The following RAD51B variants were observed in gnomAD, a reference collection of about 807,000 sequenced individuals.
RAD51B encodes the protein DNA repair protein RAD51 homolog 2.
Under a neutral mutation model 42.2 loss-of-function variants are expected in RAD51B, and 38 were observed. The observed-to-expected ratio is 0.90, with a 90% CI of 0.70 to 1.18. The LOEUF (loss-of-function observed/expected upper bound fraction) is 1.18, where lower values mean the gene tolerates loss of function less well. Ranked by LOEUF, RAD51B falls within the 50% of genes most tolerant of loss-of-function variation. The probability of loss-of-function intolerance (pLI) is 0.00; values close to 1 mark genes in which losing one functional copy is unlikely to be tolerated. For missense variants in RAD51B, 373 were observed against 400.7 expected (o/e 0.93, Z 0.59); for synonymous variants, 154 against 145.2 (o/e 1.06, Z -0.43).
intron 4 of RAD51B, among the ~76,000 whole-genome samples, chr14:67,860,908 G>C (rs1297413608): frequency 6.6e-6 from 1 of 152,144 alleles, no homozygotes; most frequent in Non-Finnish European, 1.5e-5. Context: ...AAATCTGACT[G>C]TTAGGCTGGG....
chr14:68,579,609 T>C (rs1356373400), intron 10 of RAD51B, among the ~76,000 whole-genome samples: 2 of 152,232 alleles, frequency 1.3e-5, no homozygotes, highest in Non-Finnish European at 2.9e-5. Context: ...TCCTTGCTTG[T>C]CTGAAATCCA....
chr14:68,613,072 C>T (rs1156769821), downstream of RAD51B, among the ~76,000 whole-genome samples: 2 of 152,204 alleles, frequency 1.3e-5, no homozygotes, highest in African/African-American at 2.4e-5. Context: ...TCTGGGCCTG[C>T]CCCATGACTA....
intron 11 of RAD51B, among the ~76,000 whole-genome samples, chr14:68,655,391 G>A (rs1397596047): frequency 6.6e-6 from 1 of 152,130 alleles, no homozygotes; most frequent in African/African-American, 2.4e-5. Context: ...TGGGGGAGGG[G>A]AGGGGCTCAA....
At chr14:68,023,127 T>G (rs2075895301) in intron 7 of RAD51B, among the ~76,000 whole-genome samples, 1 of 152,190 alleles carries the variant, frequency 6.6e-6, no homozygotes, top group African/African-American at 2.4e-5. Context: ...TACATGTGCA[T>G]TTGTCTTTAT....
At chr14:68,276,903 G>A (rs538504296) in intron 7 of RAD51B, among the ~76,000 whole-genome samples, 7 of 152,306 alleles carry the variant, frequency 4.6e-5, no homozygotes, top group East Asian at 1.9e-4. Flanking sequence ...AAAGCCCTCC[G>A]AGGTAGTACT....
chr14:68,150,873 T>C (rs1398229265), intron 7 of RAD51B, among the ~76,000 whole-genome samples: 1 of 152,202 alleles, frequency 6.6e-6, no homozygotes, highest in Non-Finnish European at 1.5e-5. Flanking sequence ...GTAGTTGTCA[T>C]ACATTTTACT....
chr14:68,672,421 C>T (rs576632689), intron 11 of RAD51B, among the ~76,000 whole-genome samples: 1 of 152,306 alleles, frequency 6.6e-6, no homozygotes, highest in Admixed American at 6.5e-5. Context: ...TTTCTGCCGT[C>T]AGAGAACTCC....
intron 10 of RAD51B, chr14:68,497,126 T>G: frequency 7.2e-7 from 1 of 1,393,032 alleles, no homozygotes; most frequent in Non-Finnish European, 9.6e-7. Context: ...TCTTGCAGCC[T>G]ATGGAAATTC....
chr14:68,652,413 C>T (rs1463203382), intron 11 of RAD51B, among the ~76,000 whole-genome samples: 1 of 152,200 alleles, frequency 6.6e-6, no homozygotes, highest in Non-Finnish European at 1.5e-5. Context: ...AAAAGCAAGG[C>T]CTGAAGCCTG....
chr14:68,347,728 T>C (rs1007659942), intron 8 of RAD51B, among the ~76,000 whole-genome samples: 1 of 152,228 alleles, frequency 6.6e-6, no homozygotes, highest in Non-Finnish European at 1.5e-5. Flanking sequence ...CAGTTTCAGC[T>C]ACTAATACTA....
At chr14:68,143,005 C>CGG (rs2078162160) in intron 7 of RAD51B, among the ~76,000 whole-genome samples, 1 of 120,182 alleles carries the variant, frequency 8.3e-6, no homozygotes, top group African/African-American at 4.1e-5. Context: ...AAAAAAGGCG[C>CGG]GGAGGGCGAG....
chr14:68,501,719 C>A (rs1237016222), intron 10 of RAD51B, among the ~76,000 whole-genome samples: 4 of 152,244 alleles, frequency 2.6e-5, no homozygotes, highest in Non-Finnish European at 5.9e-5. Context: ...CTCAGCTGGC[C>A]CGGTGCCCAC....
chr14:68,562,116 C>T, intron 10 of RAD51B: 1 of 985,334 alleles, frequency 1.0e-6, no homozygotes, highest in Non-Finnish European at 1.2e-6. Context: ...CCTTTTTCTC[C>T]CTGTGAAAGC....
chr14:68,594,659 C>A, exon 11 of RAD51B: 1 of 1,276,900 alleles, frequency 7.8e-7, no homozygotes, highest in Admixed American at 2.5e-5. Context: ...AAACTCCTGG[C>A]TTCAAGAGAT....
In RAD51B at chr14:68,411,678, C is replaced by A. The variant is rs894720907; in HGVS notation, c.957+151C>A. Reference sequence around the variant, plus strand: ...TAAAGAAACCAGCATTTCTGCTTGTCCCAACAACAGTTATAATAAAGTGGG... The same window carrying A: ...TAAAGAAACCAGCATTTCTGCTTGTACCAACAACAGTTATAATAAAGTGGG... On this transcript the variant is annotated intron_variant, in intron 9 of 10. Coordinates refer to ENST00000471583, the MANE Select transcript of RAD51B (RefSeq NM_133510.4). 9.0e-6 allele frequency: 6 copies of A among 667,076 alleles called. No individual in the cohort carries two copies. The African/African-American group carries it at 1.1e-4, about 12-fold the overall frequency. 41.3% of individuals were successfully genotyped at this position (667,076 alleles called of 1,614,324 possible). A position where few individuals can be genotyped will look rare whatever the true frequency, so the allele number is the denominator to read the frequency against.
chr14:68,344,194 G>T (rs1174603734), intron 8 of RAD51B, among the ~76,000 whole-genome samples: 2 of 152,216 alleles, frequency 1.3e-5, no homozygotes, highest in Non-Finnish European at 2.9e-5. Flanking sequence ...TGGGCAGCTT[G>T]TATCCTGAGC....
intron 7 of RAD51B, among the ~76,000 whole-genome samples, chr14:67,892,766 G>A (rs2043258180): frequency 6.6e-6 from 1 of 152,224 alleles, no homozygotes; most frequent in South Asian, 2.1e-4. Flanking sequence ...GGCATTGCAT[G>A]CCTAGTGACT....
At chr14:67,983,659 T>C (rs997704122) in intron 7 of RAD51B, among the ~76,000 whole-genome samples, 15 of 152,184 alleles carry the variant, frequency 9.9e-5, no homozygotes, top group African/African-American at 3.6e-4. Flanking sequence ...GTGATTTACC[T>C]AAGATGAGCC....
intron 7 of RAD51B, among the ~76,000 whole-genome samples, chr14:67,893,606 G>A (rs991666102): frequency 2.0e-5 from 3 of 152,040 alleles, no homozygotes; most frequent in Non-Finnish European, 4.4e-5. Flanking sequence ...AGGAGTTCAA[G>A]GCTGCAATGA....
Sources: gnomAD v4.1 joint callset for allele counts (sites outside exome capture counted in the v4.1 genomes callset) on GRCh38, gnomAD v4.1.1 for gene constraint, MANE v1.5 for transcripts, NCBI Gene and HGNC (gene_info 2026-07-23, HGNC 2026-07-21) for gene names.